The following TNFSF11 variants were observed in gnomAD, a reference collection of about 807,000 sequenced individuals.
The protein encoded by TNFSF11 is TNF superfamily member 11.
In TNFSF11, 12 loss-of-function variants were observed where a neutral mutation model predicts 32.2. The ratio of observed to expected loss-of-function variants is 0.37; its 90% CI spans 0.24 to 0.60. TNFSF11 has a LOEUF of 0.60. Ranked by LOEUF, TNFSF11 falls within the 20% of genes least tolerant of loss-of-function variation. The pLI is 0.66. For synonymous variants in TNFSF11, 172 were observed against 152.1 expected, an observed-to-expected ratio of 1.13 and a Z score of -0.96; for missense variants, 345 against 398.0, an observed-to-expected ratio of 0.87 and a Z score of 1.13.
At position 42,574,283 on chromosome 13, in the gene TNFSF11, G is replaced by A. The variant is rs201894827; in HGVS notation, c.-21G>A. ...GGAGCGGGAGAGGGAGGAGAGCTCC[G>A]AAGCGAGAGGGCCGAGCGCCATGCG... On this transcript the variant is annotated 5_prime_UTR_variant, in exon 1 of 5. Transcript: ENST00000398795. 2.6e-6 allele frequency: 4 copies of A among 1,546,022 alleles called. No homozygotes were observed. Among genetic ancestry groups the A allele is most frequent in the Admixed American group, 3.9e-5 (2 of 50,960 alleles).
chr13:42,601,068 C>T, intron 4 of TNFSF11, 87 bp downstream of exon 4: 3 of 1,490,972 alleles, frequency 2.0e-6, no homozygotes, highest in Non-Finnish European at 2.8e-6. Context: ...TTTAGTCTGT[C>T]ACTGAATTTT....
upstream of TNFSF11, among the ~76,000 whole-genome samples, chr13:42,569,265 T>C (rs892223572): frequency 3.3e-5 from 5 of 152,070 alleles, no homozygotes; most frequent in East Asian, 9.6e-4. Context: ...GAGGGAGATA[T>C]TAGCTGGGCA....
At position 42,575,498 on chromosome 13, in the gene TNFSF11, A is replaced by T. The variant is rs1274361764; in HGVS notation, c.219+976A>T. 2.0e-5 allele frequency among the ~76,000 whole-genome samples: 3 copies of T among 152,124 alleles called. No individual in the cohort carries two copies. In the East Asian group the frequency reaches 5.8e-4, roughly 29 times the overall value. On this transcript the variant is annotated intron_variant, in intron 1 of 4. Coordinates refer to ENST00000398795, the MANE Select transcript of TNFSF11 (RefSeq NM_003701.4). The stretch of plus-strand genomic sequence containing the variant: ...GTGCATTTTTTTTTATGGGAAAAGA[A>T]AGTTGGGTTTGGACTACATTCGTTT...
At chr13:42,599,348 T>TC (rs1555310738) in intron 2 of TNFSF11, among the ~76,000 whole-genome samples, 2 of 76,846 alleles carry the variant, frequency 2.6e-5, no homozygotes, top group African/African-American at 9.2e-5. Flanking sequence ...TATCTATCTA[T>TC]CATCTATCTA....
chr13:42,586,521 C>T (rs938934350), intron 2 of TNFSF11, among the ~76,000 whole-genome samples: 1 of 152,126 alleles, frequency 6.6e-6, no homozygotes, highest in African/African-American at 2.4e-5. Context: ...CCCAGCTGGC[C>T]CTCTCACATC....
intron 2 of TNFSF11, among the ~76,000 whole-genome samples, chr13:42,583,448 A>AAAGG (rs1873730380): frequency 9.3e-6 from 1 of 107,746 alleles, no homozygotes; most frequent in East Asian, 3.1e-4. Flanking sequence ...AGAAAGGAAG[A>AAAGG]AAGGAAGGAA....
At chr13:42,583,417 T>TAAAAAAAAAAAAAAAG (rs1873716937) in intron 2 of TNFSF11, among the ~76,000 whole-genome samples, 1 of 24,644 alleles carries the variant, frequency 4.1e-5, no homozygotes, top group African/African-American at 1.9e-4. Flanking sequence ...AAGACCCTGC[T>TAAAAAAAAAAAAAAAG]AAAAAAAAAA....
intron 2 of TNFSF11, among the ~76,000 whole-genome samples, chr13:42,597,338 T>G (rs1005607609): frequency 4.7e-5 from 3 of 63,804 alleles, no homozygotes; most frequent in Non-Finnish European, 9.1e-5. Flanking sequence ...AAGCCTTTTG[T>G]TCTTTTTTTT....
intron 1 of TNFSF11, among the ~76,000 whole-genome samples, chr13:42,580,701 T>C (rs981857354): frequency 6.6e-6 from 1 of 152,200 alleles, no homozygotes; most frequent in Non-Finnish European, 1.5e-5. Context: ...TGCTCTGAAT[T>C]TCAAAGTGGG....
At chr13:42,577,211 A>G (rs1873363271) in intron 1 of TNFSF11, among the ~76,000 whole-genome samples, 1 of 152,238 alleles carries the variant, frequency 6.6e-6, no homozygotes, top group South Asian at 2.1e-4. Flanking sequence ...AAGGTATGCA[A>G]GTCCTCAAGG....
chr13:42,567,504 G>A (rs1872910038), intron 2 of TNFSF11, among the ~76,000 whole-genome samples: 1 of 152,056 alleles, frequency 6.6e-6, no homozygotes, highest in Non-Finnish European at 1.5e-5. Context: ...TTTGCCATTA[G>A]AAATGCACTC....
At chr13:42,601,454 C>T (rs1470981968) in intron 4 of TNFSF11, among the ~76,000 whole-genome samples, 1 of 152,172 alleles carries the variant, frequency 6.6e-6, no homozygotes, top group African/African-American at 2.4e-5. Flanking sequence ...ATCTCCTCCC[C>T]CTTCTCCAAG....
intron 2 of TNFSF11, among the ~76,000 whole-genome samples, chr13:42,568,500 T>C (rs1872946584): frequency 6.6e-6 from 1 of 152,264 alleles, no homozygotes; most frequent in South Asian, 2.1e-4. Flanking sequence ...TGAATGTTAA[T>C]TTGTCATCAC....
At chr13:42,586,441 A>G (rs147468181) in intron 2 of TNFSF11, among the ~76,000 whole-genome samples, 2 of 152,220 alleles carry the variant, frequency 1.3e-5, no homozygotes, top group South Asian at 2.1e-4. Flanking sequence ...GATAATTAGG[A>G]ATATTATGGC....
At chr13:42,566,306 G>A (rs961513156) in intron 1 of TNFSF11, among the ~76,000 whole-genome samples, 7 of 152,158 alleles carry the variant, frequency 4.6e-5, no homozygotes, top group Non-Finnish European at 8.8e-5. Context: ...CTTCATGGAT[G>A]TCTACCATTG....
rs572832481 is a variant in TNFSF11 at position 42,599,126 on chromosome 13, C to T, written c.388-1626C>T. On this transcript the variant is annotated intron_variant, in intron 2 of 4. Coordinates refer to ENST00000398795, the MANE Select transcript of TNFSF11 (RefSeq NM_003701.4). Reference sequence around the variant, plus strand: ...CTAGGGTTTCTTTCTAAGAGTCAGCCGCACTGTGACTAGAACTTCAGAACA... The same window carrying T: ...CTAGGGTTTCTTTCTAAGAGTCAGCTGCACTGTGACTAGAACTTCAGAACA... Among the ~76,000 whole-genome samples the T allele has an allele frequency of 5.0e-4, 76 of 152,262 alleles. 2 individuals are homozygous for T. The South Asian group carries it at 6.2e-3, about 12-fold the overall frequency.
chr13:42,573,086 G>A (rs1015003786), upstream of TNFSF11, among the ~76,000 whole-genome samples: 1 of 151,502 alleles, frequency 6.6e-6, no homozygotes, highest in Non-Finnish European at 1.5e-5. Context: ...TAAATGCTAT[G>A]TAACTAGTTG....
chr13:42,596,793 A>C (rs906762601), intron 2 of TNFSF11, among the ~76,000 whole-genome samples: 6 of 152,250 alleles, frequency 3.9e-5, no homozygotes, highest in Non-Finnish European at 7.3e-5. Flanking sequence ...ACAACTATTC[A>C]TGGGAACACT....
rs1406273190 is a variant in TNFSF11, at chr13:42,581,295, T to C, written c.387+2T>C. ...GCCTTTCAAGGAGCTGTGCAAAAGGTAAGTCCACATCGAGGCTGATAAGTC... is the reference window on the plus strand; with the variant it reads ...GCCTTTCAAGGAGCTGTGCAAAAGGCAAGTCCACATCGAGGCTGATAAGTC... On this transcript the variant is annotated splice_donor_variant, in intron 2 of 4. Coordinates refer to ENST00000398795, the MANE Select transcript of TNFSF11 (RefSeq NM_003701.4). LOFTEE classifies it high-confidence loss of function. The C allele has an allele frequency of 1.2e-6, 2 of 1,614,032 alleles. No homozygotes were observed. Among genetic ancestry groups the C allele is most frequent in the Non-Finnish European group, 1.7e-6 (2 of 1,179,918 alleles).
Sources: allele counts gnomAD v4.1 joint callset (sites outside exome capture counted in the v4.1 genomes callset), GRCh38; gene constraint gnomAD v4.1.1; transcripts MANE v1.5; gene names NCBI Gene and HGNC (gene_info 2026-07-23, HGNC 2026-07-21).